NTAQ1: variants seen among roughly 807,000 people sequenced by gnomAD.
NTAQ1 encodes N-terminal glutamine amidase 1.
NTAQ1 carries 21 observed loss-of-function variants against 28.2 expected under a neutral mutation model. The ratio of observed to expected loss-of-function variants is 0.74; its 90% CI spans 0.53 to 1.07. The LOEUF is 1.07. Among genes scored for constraint, NTAQ1 ranks in the 50% least tolerant of loss-of-function variants. The pLI is 0.00. For synonymous variants in NTAQ1, 105 were observed against 90.0 expected, an observed-to-expected ratio of 1.17 and a Z score of -0.94; for missense variants, 264 against 256.6, an observed-to-expected ratio of 1.03 and a Z score of -0.20.
intron 5 of NTAQ1, among the ~76,000 whole-genome samples, chr8:123,440,247 CTGGATT>C (rs1324590368): frequency 2.9e-5 from 4 of 138,676 alleles, no homozygotes. Context: ...CCTCTGCCTC[CTGGATT>C]CAAGCGATTC....
chr8:123,447,767 A>G (rs1419873503), intron 6 of NTAQ1, among the ~76,000 whole-genome samples: 1 of 152,196 alleles, frequency 6.6e-6, no homozygotes, highest in Non-Finnish European at 1.5e-5. Context: ...ATATGTTTGT[A>G]TATGGCAGAA....
At chr8:123,425,924 T>C (rs942616895) in intron 1 of NTAQ1, among the ~76,000 whole-genome samples, 3 of 152,164 alleles carry the variant, frequency 2.0e-5, no homozygotes, top group Admixed American at 6.5e-5. Flanking sequence ...CTTGGGAGGC[T>C]GAGGCAGGAG....
intron 6 of NTAQ1, among the ~76,000 whole-genome samples, chr8:123,463,385 CAG>C (rs879372387): frequency 4.6e-5 from 7 of 152,182 alleles, no homozygotes; most frequent in Non-Finnish European, 7.3e-5. Context: ...TATTAGATCA[CAG>C]TTATTCTTCT....
rs145422652 is a variant in NTAQ1, at chr8:123,460,929, G to A, written c.373-6150G>A. ...GCGTGCCGTCTGACTTCTACATTCA[G>A]GCACATTTCACACTTCTGTCAGGTA... On this transcript the variant is annotated intron_variant, in intron 6 of 6. Coordinates refer to the NTAQ1 transcript ENST00000650311. 2.4e-3 allele frequency among the ~76,000 whole-genome samples: 363 copies of A among 152,302 alleles called. 1 individual carries two copies. The highest frequency in any genetic ancestry group is 8.3e-3 in the African/African-American group (346 of 41,550).
intron 3 of NTAQ1, among the ~76,000 whole-genome samples, chr8:123,430,497 G>A (rs887684277): frequency 6.6e-6 from 1 of 152,134 alleles, no homozygotes; most frequent in Non-Finnish European, 1.5e-5. Context: ...CAAATATTAG[G>A]CCGGGCGCAG....
intron 1 of NTAQ1, among the ~76,000 whole-genome samples, chr8:123,426,595 A>G (rs1814066403): frequency 6.7e-6 from 1 of 150,112 alleles, no homozygotes. Flanking sequence ...TGGGAGTTTG[A>G]GGCTGCAGTG....
At chr8:123,447,223 A>T (rs11985213), downstream of NTAQ1, among the ~76,000 whole-genome samples, 54,982 of 151,838 alleles carry the variant, frequency 0.36, 10,065 homozygotes, top group East Asian at 0.56. Context: ...ATACTTACAT[A>T]TTTATAATAA....
chr8:123,449,847 T>C (rs60269452), downstream of NTAQ1, among the ~76,000 whole-genome samples: 49,095 of 132,744 alleles, frequency 0.37, 9,124 homozygotes, highest in East Asian at 0.57. Flanking sequence ...AGTGAGACTC[T>C]GGCTCGCTGC....
At chr8:123,461,631 C>T (rs1815827211) in intron 6 of NTAQ1, among the ~76,000 whole-genome samples, 1 of 152,172 alleles carries the variant, frequency 6.6e-6, no homozygotes, top group African/African-American at 2.4e-5. Context: ...GGCTTTCCTG[C>T]AGGAGTCTGG....
At position 123,441,767 on chromosome 8, in the gene NTAQ1, T is replaced by C. The variant is rs1045291; in HGVS notation, c.*352T>C. On this transcript the variant is annotated 3_prime_UTR_variant, in exon 6 of 6. Transcript: ENST00000287387. ...GATGTTTTGTGTCTCTCCAGCTACA[T>C]TGTAAGTTCCTTGAGGGCAGGGCCA... The C allele has an allele frequency of 0.37, 81,195 of 220,904 alleles. 15,299 individuals are homozygous for C. Among genetic ancestry groups the C allele is most frequent in the East Asian group, 0.57 (5,814 of 10,218 alleles). The allele number at this position is 220,904 out of a possible 1,614,324, so 13.7% of individuals were successfully genotyped here. A position where few individuals can be genotyped will look rare whatever the true frequency, so the allele number is the denominator to read the frequency against.
intron 1 of NTAQ1, among the ~76,000 whole-genome samples, chr8:123,425,851 C>T (rs1242462539): frequency 6.6e-6 from 1 of 152,084 alleles, no homozygotes; most frequent in Non-Finnish European, 1.5e-5. Context: ...ATGTGAAACC[C>T]CATCTCTACT....
intron 3 of NTAQ1, among the ~76,000 whole-genome samples, chr8:123,430,644 G>C (rs1440613410): frequency 6.6e-6 from 1 of 152,178 alleles, no homozygotes; most frequent in African/African-American, 2.4e-5. Context: ...AACTGAGCCT[G>C]GTGGCACTCA....
At position 123,421,886 on chromosome 8, in the gene NTAQ1, G is replaced by A. The variant is rs148323766; in HGVS notation, c.83+4954G>A. Among the ~76,000 whole-genome samples the A allele has an allele frequency of 6.5e-3, 989 of 151,950 alleles. 17 individuals are homozygous for A. The highest frequency in any genetic ancestry group is 0.023 in the African/African-American group (944 of 41,450). On this transcript the variant is annotated intron_variant, in intron 1 of 5. Transcript: ENST00000287387. The stretch of plus-strand genomic sequence containing the variant: ...TGTATTTTTTTTTAGTAGAGACAGG[G>A]TTTCACCGTGGTCTGGATCTCCTGA...
chr8:123,425,257 A>G (rs1052933261), intron 1 of NTAQ1, among the ~76,000 whole-genome samples: 3 of 151,630 alleles, frequency 2.0e-5, no homozygotes, highest in Admixed American at 2.0e-4. Flanking sequence ...ACGCCCAGCT[A>G]ATTTTTGTAT....
intron 3 of NTAQ1, 105 bp from the exon 4 acceptor site, chr8:123,436,348 G>A: frequency 9.5e-7 from 1 of 1,053,738 alleles, no homozygotes; most frequent in African/African-American, 1.6e-5. Flanking sequence ...TATAAGGAGG[G>A]CTGTAGCAGT....
intron 1 of NTAQ1, among the ~76,000 whole-genome samples, chr8:123,419,483 C>T (rs979769539): frequency 6.6e-6 from 1 of 152,158 alleles, no homozygotes; most frequent in African/African-American, 2.4e-5. Flanking sequence ...ATGTTACTTA[C>T]GCTTCAAGAC....
chr8:123,462,138 C>A (rs987347730), intron 6 of NTAQ1, among the ~76,000 whole-genome samples: 1 of 152,060 alleles, frequency 6.6e-6, no homozygotes, highest in Non-Finnish European at 1.5e-5. Flanking sequence ...CTCCTCCTCC[C>A]AGGTTCAAGC....
chr8:123,438,080 A>G (rs930588743), intron 5 of NTAQ1: 5 of 676,486 alleles, frequency 7.4e-6, no homozygotes, highest in African/African-American at 1.8e-5. Context: ...CATTAGAGGG[A>G]GGTGAGCGCT....
chr8:123,417,098 T>A (rs1813345611), intron 1 of NTAQ1, among the ~76,000 whole-genome samples, 166 bp downstream of exon 1: 1 of 152,190 alleles, frequency 6.6e-6, no homozygotes, highest in African/African-American at 2.4e-5. Context: ...TCTCGTCTCT[T>A]GAGTAGAGCG....
Sources: allele counts gnomAD v4.1 joint callset (sites outside exome capture counted in the v4.1 genomes callset), GRCh38; gene constraint gnomAD v4.1.1; transcripts MANE v1.5; gene names NCBI Gene and HGNC (gene_info 2026-07-23, HGNC 2026-07-21).